Variants in NOX4 observed in about 807,000 individuals in gnomAD.
NOX4 encodes the protein NADPH oxidase 4.
Under a neutral mutation model 87.6 loss-of-function variants are expected in NOX4, and 69 were observed. The observed-to-expected ratio is 0.79, with a 90% CI of 0.65 to 0.96. NOX4 has a LOEUF of 0.96. NOX4 is among the 40% of genes least tolerant of loss of function. The pLI, the probability that NOX4 is intolerant of heterozygous loss-of-function variation, is 0.00. For missense variants in NOX4, 680 were observed against 681.5 expected (o/e 1.00, Z 0.02); for synonymous variants, 275 against 238.2 (o/e 1.15, Z -1.42).
chr11:89,449,324 G>A lies in NOX4; in HGVS notation c.349+116C>T, dbSNP rs765420014. ...TTACCCCAAATTGTCATCAGTGGTT[G>A]TTCTGGAAGAATAAGATTAGGGAAA... On this transcript the variant is annotated intron_variant, in intron 4 of 17. Coordinates refer to ENST00000263317, the MANE Select transcript of NOX4 (RefSeq NM_016931.5). 5 of 674,812 alleles carry A rather than the reference G, an allele frequency of 7.4e-6. No individual in the cohort carries two copies. In the South Asian group the frequency reaches 1.2e-4, roughly 16 times the overall value. The allele number at this position is 674,812 out of a possible 1,614,324, so 41.8% of individuals were successfully genotyped here.
At chr11:89,571,026 C>A in the NOX4 span, among the ~76,000 whole-genome samples, 1 of 152,090 alleles carries the variant, frequency 6.6e-6, no homozygotes, top group South Asian at 2.1e-4. Context: ...TGCTCAGTTA[C>A]GTTCATGAAA....
chr11:89,361,138 A>T (rs1441761651), intron 12 of NOX4, among the ~76,000 whole-genome samples: 1 of 152,130 alleles, frequency 6.6e-6, no homozygotes, highest in Non-Finnish European at 1.5e-5. Context: ...CATGAAAAAG[A>T]CACAGGCACA....
At chr11:89,535,177 T>C in the NOX4 span, among the ~76,000 whole-genome samples, 1 of 152,276 alleles carries the variant, frequency 6.6e-6, no homozygotes, top group African/African-American at 2.4e-5. Context: ...CTCAGTCCCC[T>C]AAGATAAAAA....
chr11:89,552,561 A>G, the NOX4 span, among the ~76,000 whole-genome samples: 8 of 152,296 alleles, frequency 5.3e-5, no homozygotes, highest in South Asian at 1.7e-3. Context: ...CATCTAGATC[A>G]AAGAGAAAGA....
At chr11:89,433,786 T>C (rs1943938302) in intron 6 of NOX4, among the ~76,000 whole-genome samples, 1 of 152,046 alleles carries the variant, frequency 6.6e-6, no homozygotes, top group South Asian at 2.1e-4. Context: ...TGTGCAAATA[T>C]ATTGTCAAAA....
chr11:89,389,565 A>C lies in NOX4; in HGVS notation c.1074+10452T>G, dbSNP rs1184413828. 2.6e-5 allele frequency among the ~76,000 whole-genome samples: 4 copies of C among 152,320 alleles called. No homozygotes were observed. The East Asian group carries it at 7.7e-4, about 29-fold the overall frequency. Reference sequence around the variant, plus strand: ...TTTCACCACTTCACAATATTAGAAGAGCTTAGTAGTATGGACAATCGAAAG... The same window carrying C: ...TTTCACCACTTCACAATATTAGAAGCGCTTAGTAGTATGGACAATCGAAAG... On this transcript the variant is annotated intron_variant, in intron 11 of 17. Coordinates refer to ENST00000263317, the MANE Select transcript of NOX4 (RefSeq NM_016931.5).
chr11:89,494,423 T>C (rs1365830238), upstream of NOX4, among the ~76,000 whole-genome samples: 2 of 152,226 alleles, frequency 1.3e-5, no homozygotes, highest in African/African-American at 2.4e-5. Context: ...TAATCATTAC[T>C]GCATTTTCCA....
chr11:89,454,607 C>A (rs1437859339), intron 2 of NOX4, among the ~76,000 whole-genome samples: 2 of 152,070 alleles, frequency 1.3e-5, no homozygotes, highest in African/African-American at 2.4e-5. Flanking sequence ...TATTTCCAAA[C>A]TTACTGGCCA....
chr11:89,582,300 G>GTT, the NOX4 span, among the ~76,000 whole-genome samples: 4 of 151,766 alleles, frequency 2.6e-5, no homozygotes, highest in African/African-American at 9.7e-5. Context: ...GGATATTTAG[G>GTT]TTTTTTCCAT....
the NOX4 span, among the ~76,000 whole-genome samples, chr11:89,571,889 G>C: frequency 6.6e-6 from 1 of 152,118 alleles, no homozygotes; most frequent in Non-Finnish European, 1.5e-5. Context: ...ATCCCTCTGA[G>C]GCTCACCTGA....
At chr11:89,423,692 T>TA (rs540871176) in intron 7 of NOX4, among the ~76,000 whole-genome samples, 70 of 151,746 alleles carry the variant, frequency 4.6e-4, no homozygotes, top group South Asian at 3.3e-3. Flanking sequence ...TTTGCTAAAT[T>TA]AAAAAAAACA....
At chr11:89,438,632 C>T (rs868097024) in intron 6 of NOX4, among the ~76,000 whole-genome samples, 2 of 77,296 alleles carry the variant, frequency 2.6e-5, no homozygotes, top group African/African-American at 5.3e-5. Context: ...ATATTATATA[C>T]TATATATAAT....
chr11:89,504,766 C>T, the NOX4 span, among the ~76,000 whole-genome samples: 1 of 151,944 alleles, frequency 6.6e-6, no homozygotes, highest in African/African-American at 2.4e-5. Flanking sequence ...TGAGCACCTC[C>T]AGTTTCGGAG....
At chr11:89,370,699 TA>T (rs1294803203) in intron 12 of NOX4, among the ~76,000 whole-genome samples, 2 of 152,080 alleles carry the variant, frequency 1.3e-5, no homozygotes, top group African/African-American at 4.8e-5. Flanking sequence ...GAATCATGTC[TA>T]AAATGTTTTA....
At chr11:89,445,304 A>C (rs1944648673) in intron 4 of NOX4, among the ~76,000 whole-genome samples, 1 of 151,986 alleles carries the variant, frequency 6.6e-6, no homozygotes, top group Admixed American at 6.6e-5. Flanking sequence ...ACAACCCATA[A>C]TGTAAAATGT....
intron 12 of NOX4, among the ~76,000 whole-genome samples, chr11:89,360,628 G>A (rs1173329226): frequency 6.6e-6 from 1 of 152,040 alleles, no homozygotes; most frequent in Non-Finnish European, 1.5e-5. Flanking sequence ...AGTCAGATGA[G>A]TTCAGTGATC....
the NOX4 span, among the ~76,000 whole-genome samples, chr11:89,514,046 C>A: frequency 6.6e-6 from 1 of 151,842 alleles, no homozygotes; most frequent in Non-Finnish European, 1.5e-5. Context: ...TATAAATTAC[C>A]CAGTATATGA....
At chr11:89,432,369 T>G (rs1350081090) in intron 7 of NOX4, among the ~76,000 whole-genome samples, 1 of 151,386 alleles carries the variant, frequency 6.6e-6, no homozygotes, top group Non-Finnish European at 1.5e-5. Context: ...ATAAATAAAA[T>G]AAAATAAAAT....
At chr11:89,418,626 G>A (rs946416328) in intron 8 of NOX4, among the ~76,000 whole-genome samples, 2 of 151,678 alleles carry the variant, frequency 1.3e-5, no homozygotes, top group African/African-American at 2.4e-5. Context: ...AAAAGTGGGC[G>A]ACTTAACTTC....
Sources: allele counts gnomAD v4.1 joint callset (sites outside exome capture counted in the v4.1 genomes callset), GRCh38; gene constraint gnomAD v4.1.1; transcripts MANE v1.5; gene names NCBI Gene and HGNC (gene_info 2026-07-23, HGNC 2026-07-21).